The following ACOT9 variants were observed in gnomAD, a reference collection of about 807,000 sequenced individuals.
ACOT9 encodes the protein acyl-coenzyme A thioesterase 9, mitochondrial.
Under a neutral mutation model 39.7 loss-of-function variants are expected in ACOT9, and 34 were observed. The observed-to-expected ratio is 0.86, with a 90% CI of 0.65 to 1.14. The LOEUF is 1.14. Ranked by LOEUF, ACOT9 falls within the 50% of genes most tolerant of loss-of-function variation. The pLI, the probability that ACOT9 is intolerant of heterozygous loss-of-function variation, is 0.00. For missense variants in ACOT9, 313 were observed against 344.1 expected (o/e 0.91, Z 0.71); for synonymous variants, 110 against 120.5 (o/e 0.91, Z 0.57).
intron 1 of ACOT9, among the ~76,000 whole-genome samples, chrX:23,737,413 A>C (rs1340858784): frequency 8.9e-6 from 1 of 111,883 alleles, no homozygotes; most frequent in Non-Finnish European, 1.9e-5. Flanking sequence ...TCACCACCTA[A>C]TGTGGGAATA....
intron 1 of ACOT9, among the ~76,000 whole-genome samples, chrX:23,737,008 C>CT (rs768364237): frequency 9.0e-6 from 1 of 110,951 alleles, no homozygotes; most frequent in South Asian, 3.8e-4. Context: ...AGGCAAGGCA[C>CT]TGAATAGGTT....
chrX:23,734,274 A>G, intron 3 of ACOT9, 67 bp downstream of exon 3: 1 of 966,305 alleles, frequency 1.0e-6, no homozygotes, highest in Non-Finnish European at 1.4e-6. Context: ...CAAAAGTGCA[A>G]GCGTATATTA....
At chrX:23,730,734 T>C in intron 5 of ACOT9, 82 bp downstream of exon 5, 2 of 1,033,402 alleles carry the variant, frequency 1.9e-6, no homozygotes, top group Non-Finnish European at 2.6e-6. Flanking sequence ...AACAGGCGAA[T>C]TGTATGGTGT....
At chrX:23,711,024 CA>C (rs113767043) in intron 9 of ACOT9, among the ~76,000 whole-genome samples, 1,851 of 102,995 alleles carry the variant, frequency 0.018, 40 homozygotes, top group African/African-American at 0.061. Flanking sequence ...AATAAAAAAA[CA>C]AAAAAAAAAC....
At chrX:23,740,345 G>A (rs1034207722) in intron 1 of ACOT9, among the ~76,000 whole-genome samples, 2 of 110,508 alleles carry the variant, frequency 1.8e-5, no homozygotes, top group Non-Finnish European at 3.8e-5. Context: ...GACCTCAAGT[G>A]ATCTGCCCGC....
chrX:23,720,699 A>G (rs1283091192), intron 8 of ACOT9, among the ~76,000 whole-genome samples: 2 of 110,939 alleles, frequency 1.8e-5, no homozygotes, highest in Non-Finnish European at 3.8e-5. Context: ...TAGCCTCCAA[A>G]CTGTGAGTCA....
chrX:23,707,535 G>A (rs1346919853), intron 10 of ACOT9, among the ~76,000 whole-genome samples: 3 of 111,118 alleles, frequency 2.7e-5, no homozygotes, highest in African/African-American at 6.5e-5. Context: ...TCAGGAGATC[G>A]AGACCATCCT....
At chrX:23,735,340 A>T (rs1698458693) in intron 2 of ACOT9, among the ~76,000 whole-genome samples, 1 of 108,064 alleles carries the variant, frequency 9.3e-6, no homozygotes. Context: ...AATTACTACT[A>T]GCTTAATCAG....
intron 8 of ACOT9, among the ~76,000 whole-genome samples, chrX:23,717,364 G>A (rs937016819): frequency 1.8e-5 from 2 of 111,701 alleles, no homozygotes; most frequent in African/African-American, 6.5e-5. Flanking sequence ...GAAGTGACCT[G>A]ATTCAAGATC....
In ACOT9 at chrX:23,729,793, G is replaced by A. The variant is rs753244117; in HGVS notation, c.400+734C>T. 2.7e-5 allele frequency among the ~76,000 whole-genome samples: 3 copies of A among 110,600 alleles called. No homozygotes were observed. In the South Asian group the frequency reaches 1.1e-3, roughly 42 times the overall value. The stretch of plus-strand genomic sequence containing the variant: ...ACTACAGGCGTATGCCACCACGCCT[G>A]GCTAATTTTTTGTATTTTTAGTAGA... On this transcript the variant is annotated intron_variant, in intron 6 of 15. Transcript: ENST00000379303.
In ACOT9 at chrX:23,743,178, G is replaced by A. The variant is rs753481000; in HGVS notation, c.-34C>T. The A allele has an allele frequency of 8.7e-7, 1 of 1,147,016 alleles. No individual in the cohort carries two copies. Among genetic ancestry groups the A allele is most frequent in the South Asian group, 2.0e-5 (1 of 50,427 alleles). The allele number at this position is 1,147,016 out of a possible 1,213,427, so 94.5% of individuals were successfully genotyped here. A position where few individuals can be genotyped will look rare whatever the true frequency, so the allele number is the denominator to read the frequency against. On this transcript the variant is annotated 5_prime_UTR_variant, in exon 1 of 16. Transcript: ENST00000379303. The stretch of plus-strand genomic sequence containing the variant: ...GCTGCCGTGCGCGCGATGGAGAACC[G>A]GGCCCCGCGCGCTAGTCGGCGGAGG...
In ACOT9 at chrX:23,737,537, G is replaced by A. The variant is rs745820698; in HGVS notation, c.21-1521C>T. ...CAGAGAAAGCCTCTCAGTATTTACA[G>A]TATTCTGTAAAATCTACATGCAGTT... On this transcript the variant is annotated intron_variant, in intron 1 of 15. Transcript: ENST00000379303. Among the ~76,000 whole-genome samples the A allele has an allele frequency of 9.9e-4, 111 of 112,059 alleles. 1 individual carries two copies. The highest frequency in any genetic ancestry group is 3.5e-3 in the African/African-American group (107 of 30,836).
chrX:23,722,564 CAAA>C, intron 7 of ACOT9, 103 bp downstream of exon 7: 7 of 473,165 alleles, frequency 1.5e-5, no homozygotes, highest in Admixed American at 4.6e-5. Flanking sequence ...AACTCCGTCT[CAAA>C]AAAAAAAAAA....
intron 9 of ACOT9, among the ~76,000 whole-genome samples, chrX:23,708,586 A>T (rs1928789307): frequency 8.9e-6 from 1 of 111,882 alleles, no homozygotes; most frequent in Non-Finnish European, 1.9e-5. Flanking sequence ...CTCTTTAAAA[A>T]TATCAATTTT....
At chrX:23,721,454 T>C (rs1444758159) in intron 8 of ACOT9, among the ~76,000 whole-genome samples, 1 of 92,440 alleles carries the variant, frequency 1.1e-5, no homozygotes, top group Non-Finnish European at 2.1e-5. Flanking sequence ...TATATTATTT[T>C]TCACTGTTTT....
chrX:23,736,974 G>C (rs1929965487), intron 1 of ACOT9, among the ~76,000 whole-genome samples: 1 of 111,540 alleles, frequency 9.0e-6, no homozygotes, highest in Non-Finnish European at 1.9e-5. Flanking sequence ...TTAATAAACT[G>C]ATCTGTGAGA....
chrX:23,717,555 T>C (rs1929126784), intron 8 of ACOT9, among the ~76,000 whole-genome samples: 1 of 110,886 alleles, frequency 9.0e-6, no homozygotes, highest in African/African-American at 3.3e-5. Flanking sequence ...CTGTGGGTGA[T>C]GAATTTGCAA....
At chrX:23,732,896 C>T (rs997671614) in intron 4 of ACOT9, among the ~76,000 whole-genome samples, 6 of 111,962 alleles carry the variant, frequency 5.4e-5, no homozygotes, top group East Asian at 2.8e-4. Flanking sequence ...GTCGTAAGCA[C>T]GTCACAAGTT....
At chrX:23,733,081 A>G in intron 4 of ACOT9, 91 bp downstream of exon 4, 2 of 868,366 alleles carry the variant, frequency 2.3e-6, no homozygotes, top group South Asian at 4.7e-5. Flanking sequence ...AGGGCTCCCC[A>G]TCCCCACTGT....
Sources: gnomAD v4.1 joint callset for allele counts (sites outside exome capture counted in the v4.1 genomes callset) on GRCh38, gnomAD v4.1.1 for gene constraint, MANE v1.5 for transcripts, NCBI Gene and HGNC (gene_info 2026-07-23, HGNC 2026-07-21) for gene names.